Variants in GREB1L observed in about 807,000 individuals in gnomAD.
GREB1L encodes GREB1-like protein.
A neutral mutation model predicts 200.8 loss-of-function variants in GREB1L; 17 were observed. The ratio of observed to expected loss-of-function variants is 0.08; its 90% CI spans 0.06 to 0.13. The LOEUF is 0.13. GREB1L is among the 10% of genes least tolerant of loss of function. The pLI is 1.00. For missense variants in GREB1L, 1,657 were observed against 2,367.7 expected (o/e 0.70, Z 6.23); for synonymous variants, 789 against 893.0 (o/e 0.88, Z 2.08).
intron 2 of GREB1L, among the ~76,000 whole-genome samples, chr18:21,369,012 G>A (rs1354658414): frequency 6.6e-6 from 1 of 152,194 alleles, no homozygotes; most frequent in East Asian, 1.9e-4. Context: ...TCAGTTGAGT[G>A]TTAGGTGGAA....
chr18:21,280,072 C>T (rs1338335574), intron 1 of GREB1L, among the ~76,000 whole-genome samples: 1 of 152,112 alleles, frequency 6.6e-6, no homozygotes, highest in Non-Finnish European at 1.5e-5. Flanking sequence ...TTAGGGTTCA[C>T]TCTTTGTGTT....
chr18:21,443,555 A>C (rs2145301026), intron 10 of GREB1L, among the ~76,000 whole-genome samples: 1 of 152,352 alleles, frequency 6.6e-6, no homozygotes, highest in East Asian at 1.9e-4. Flanking sequence ...AATAAACTTG[A>C]TCAGGGACTT....
intron 1 of GREB1L, among the ~76,000 whole-genome samples, chr18:21,351,776 C>T (rs571339771): frequency 2.0e-5 from 3 of 152,182 alleles, no homozygotes; most frequent in Admixed American, 6.5e-5. Context: ...CAGTTTCAGA[C>T]TACTTCCTGT....
chr18:21,450,912 A>G (rs2034489862), intron 12 of GREB1L, 111 bp from the exon 13 acceptor site: 9 of 1,052,082 alleles, frequency 8.6e-6, no homozygotes, highest in Non-Finnish European at 1.2e-5. Flanking sequence ...TTCTTAACCC[A>G]AGTCCCTATA....
At chr18:21,435,221 G>A (rs568733052) in intron 7 of GREB1L, 8 of 152,596 alleles carry the variant, frequency 5.2e-5, no homozygotes, top group Non-Finnish European at 1.2e-4. Flanking sequence ...CTATAATAAT[G>A]TACTAGTGTA....
At chr18:21,302,002 T>C (rs1372211146) in intron 1 of GREB1L, among the ~76,000 whole-genome samples, 2 of 152,226 alleles carry the variant, frequency 1.3e-5, no homozygotes, top group East Asian at 3.8e-4. Context: ...AGAACATAGA[T>C]ACCCTGGTAG....
At chr18:21,329,718 A>G (rs2039078567) in intron 1 of GREB1L, among the ~76,000 whole-genome samples, 2 of 152,068 alleles carry the variant, frequency 1.3e-5, no homozygotes, top group South Asian at 4.2e-4. Flanking sequence ...AACAAAAACA[A>G]TGAGGATTGG....
intron 1 of GREB1L, among the ~76,000 whole-genome samples, chr18:21,343,464 G>A (rs2039296639): frequency 6.6e-6 from 1 of 152,138 alleles, no homozygotes; most frequent in Non-Finnish European, 1.5e-5. Flanking sequence ...GTGGTTCTCA[G>A]GTATGGTTTA....
chr18:21,356,056 G>A (rs1391510003), intron 1 of GREB1L, among the ~76,000 whole-genome samples: 11 of 140,840 alleles, frequency 7.8e-5, no homozygotes, highest in East Asian at 6.2e-4. Context: ...GTGCAATCTC[G>A]GCTCACTGCA....
chr18:21,329,681 G>A (rs1187777297), intron 1 of GREB1L, among the ~76,000 whole-genome samples: 4 of 151,994 alleles, frequency 2.6e-5, no homozygotes, highest in Non-Finnish European at 5.9e-5. Context: ...TCTCCTTGAC[G>A]AGATGCCTTA....
chr18:21,329,307 A>T (rs934791382), intron 1 of GREB1L, among the ~76,000 whole-genome samples: 2 of 147,944 alleles, frequency 1.4e-5, no homozygotes, highest in Non-Finnish European at 3.0e-5. Flanking sequence ...CCTGGGCGAC[A>T]GAGTGAGACT....
intron 15 of GREB1L, among the ~76,000 whole-genome samples, chr18:21,472,038 T>G (rs189636231): frequency 1.7e-3 from 254 of 152,340 alleles, no homozygotes; most frequent in Non-Finnish European, 3.0e-3. Flanking sequence ...AAACAAATGG[T>G]GAGTAAAGCC....
At chr18:21,268,558 C>CACAT (rs1383417674) in intron 1 of GREB1L, among the ~76,000 whole-genome samples, 2 of 86,696 alleles carry the variant, frequency 2.3e-5, no homozygotes, top group South Asian at 3.8e-4. Flanking sequence ...CACACACACA[C>CACAT]ACATATATAT....
chr18:21,362,338 GT>G (rs992075966), intron 1 of GREB1L, among the ~76,000 whole-genome samples: 5 of 151,692 alleles, frequency 3.3e-5, no homozygotes, highest in African/African-American at 9.7e-5. Flanking sequence ...TAAAATTTGT[GT>G]TTTTTTTGGA....
chr18:21,516,883 T>TTG, intron 30 of GREB1L, 129 bp downstream of exon 30: 4 of 901,582 alleles, frequency 4.4e-6, no homozygotes, highest in Non-Finnish European at 6.5e-6. Context: ...GGGAGTTTTT[T>TTG]TTTTTTTTTT....
At chr18:21,306,527 C>T (rs2038702935) in intron 1 of GREB1L, among the ~76,000 whole-genome samples, 1 of 152,172 alleles carries the variant, frequency 6.6e-6, no homozygotes, top group African/African-American at 2.4e-5. Context: ...GCTTGAACAA[C>T]AGTACGAAGT....
intron 16 of GREB1L, 122 bp downstream of exon 16, chr18:21,473,333 G>C: frequency 1.6e-6 from 1 of 629,210 alleles, no homozygotes; most frequent in Non-Finnish European, 2.4e-6. Flanking sequence ...ACTTTGGGAG[G>C]CTGAGGCGGG....
At chr18:21,521,193 T>C (rs999944861) in intron 32 of GREB1L, among the ~76,000 whole-genome samples, 5 of 141,446 alleles carry the variant, frequency 3.5e-5, no homozygotes, top group African/African-American at 1.3e-4. Flanking sequence ...CAAGACTCCG[T>C]CTCAAAAAAA....
At chr18:21,309,592 AAATGACT>A (rs2144781338) in intron 1 of GREB1L, among the ~76,000 whole-genome samples, 1 of 152,274 alleles carries the variant, frequency 6.6e-6, no homozygotes, top group Admixed American at 6.5e-5. Context: ...GCACCTTACG[AAATGACT>A]AGGACCTGTT....
Sources: allele counts gnomAD v4.1 joint callset (sites outside exome capture counted in the v4.1 genomes callset), GRCh38; gene constraint gnomAD v4.1.1; transcripts MANE v1.5; gene names NCBI Gene and HGNC (gene_info 2026-07-23, HGNC 2026-07-21).